The following NOVA1 variants were observed in gnomAD, a reference collection of about 807,000 sequenced individuals.
NOVA1 encodes RNA-binding protein Nova-1.
NOVA1 carries 7 observed loss-of-function variants against 38.0 expected under a neutral mutation model. The ratio of observed to expected loss-of-function variants is 0.18; its 90% CI spans 0.10 to 0.35. The LOEUF (loss-of-function observed/expected upper bound fraction) is 0.35, where lower values mean the gene tolerates loss of function less well. Ranked by LOEUF, NOVA1 falls within the 10% of genes least tolerant of loss-of-function variation. The pLI, the probability that NOVA1 is intolerant of heterozygous loss-of-function variation, is 1.00. For synonymous variants in NOVA1, 270 were observed against 232.5 expected, an observed-to-expected ratio of 1.16 and a Z score of -1.47; for missense variants, 460 against 616.0, an observed-to-expected ratio of 0.75 and a Z score of 2.68.
intron 4 of NOVA1, among the ~76,000 whole-genome samples, chr14:26,453,444 TC>T: frequency 6.6e-6 from 1 of 151,964 alleles, no homozygotes; most frequent in African/African-American, 2.4e-5. Flanking sequence ...AAGTTATTTA[TC>T]CAAAAAAAGA....
chr14:26,567,844 G>T (rs748883384), intron 2 of NOVA1, among the ~76,000 whole-genome samples: 1 of 152,140 alleles, frequency 6.6e-6, no homozygotes, highest in Non-Finnish European at 1.5e-5. Flanking sequence ...TTAAAAAATA[G>T]TTTTTCCATT....
chr14:26,476,662 A>T (rs1885007814), intron 3 of NOVA1, among the ~76,000 whole-genome samples: 1 of 151,426 alleles, frequency 6.6e-6, no homozygotes, highest in Non-Finnish European at 1.5e-5. Context: ...TTACAAGACT[A>T]TTAACTGTCA....
At chr14:26,564,119 G>A (rs1223484288) in intron 2 of NOVA1, among the ~76,000 whole-genome samples, 1 of 152,042 alleles carries the variant, frequency 6.6e-6, no homozygotes, top group Non-Finnish European at 1.5e-5. Context: ...TCTACTATAT[G>A]TATTATAAAC....
intron 2 of NOVA1, among the ~76,000 whole-genome samples, chr14:26,530,082 G>C (rs956015937): frequency 8.5e-5 from 13 of 152,098 alleles, no homozygotes; most frequent in Non-Finnish European, 1.6e-4. Context: ...ACCACGCCTG[G>C]CTAATTTTTT....
intron 2 of NOVA1, among the ~76,000 whole-genome samples, chr14:26,492,453 T>C (rs1367218699): frequency 6.6e-6 from 1 of 152,196 alleles, no homozygotes; most frequent in East Asian, 1.9e-4. Flanking sequence ...GGGAAAAGCT[T>C]TCAGTCTTCA....
chr14:26,446,493 T>G lies in NOVA1; in HGVS notation c.*1466A>C, dbSNP rs1882082764. Reference sequence around the variant, plus strand: ...GGGTTGAAGTTGAGATGGAAGTAATTCTCTTTTGTAATTCAGTTGCTCAGC... The same window carrying G: ...GGGTTGAAGTTGAGATGGAAGTAATGCTCTTTTGTAATTCAGTTGCTCAGC... On this transcript the variant is annotated 3_prime_UTR_variant, in exon 5 of 5. Transcript: ENST00000539517. 6.6e-6 allele frequency: 1 copy of G among 152,658 alleles called. No individual in the cohort carries two copies. Among genetic ancestry groups the G allele is most frequent in the Non-Finnish European group, 1.5e-5 (1 of 68,082 alleles). 9.5% of individuals were successfully genotyped at this position (152,658 alleles called of 1,614,324 possible). A position where few individuals can be genotyped will look rare whatever the true frequency, so the allele number is the denominator to read the frequency against.
At chr14:26,509,445 G>GCCC (rs1594431258) in intron 2 of NOVA1, among the ~76,000 whole-genome samples, 2 of 152,130 alleles carry the variant, frequency 1.3e-5, no homozygotes, top group East Asian at 3.9e-4. Flanking sequence ...AATTAAGTAT[G>GCCC]AGAAGCAATG....
intron 3 of NOVA1, chr14:26,478,889 A>G (rs993956703): frequency 2.0e-5 from 3 of 152,044 alleles, no homozygotes; most frequent in African/African-American, 4.8e-5. Context: ...TTAGTATAAA[A>G]TTAGACATTA....
At chr14:26,494,935 T>TA (rs748329836) in intron 2 of NOVA1, among the ~76,000 whole-genome samples, 19 of 152,324 alleles carry the variant, frequency 1.2e-4, no homozygotes, top group Non-Finnish European at 1.6e-4. Context: ...CATCTCATAT[T>TA]AAGAGTTAAG....
intron 2 of NOVA1, among the ~76,000 whole-genome samples, chr14:26,549,939 G>A (rs1427037618): frequency 6.6e-6 from 1 of 152,068 alleles, no homozygotes; most frequent in East Asian, 1.9e-4. Context: ...TGAAAACTTT[G>A]CCACAGCAAA....
At chr14:26,476,420 CA>C (rs566601620) in intron 3 of NOVA1, among the ~76,000 whole-genome samples, 59 of 152,192 alleles carry the variant, frequency 3.9e-4, no homozygotes, top group African/African-American at 1.3e-3. Context: ...ATTAGACATC[CA>C]AGGTTTTTCA....
chr14:26,556,422 A>G (rs1331240793), intron 2 of NOVA1, among the ~76,000 whole-genome samples: 1 of 152,184 alleles, frequency 6.6e-6, no homozygotes, highest in Non-Finnish European at 1.5e-5. Context: ...TTCAGCAAAT[A>G]GTGTTGGAAC....
rs538707630 is a variant in NOVA1 at position 26,448,181 on chromosome 14, A to G, written c.1302T>C (p.Gly434=). The change falls in exon 5 of 5, where the codon GGT becomes GGC. Residue 434 remains glycine (G), a synonymous_variant. Coordinates refer to ENST00000539517, the MANE Select transcript of NOVA1 (RefSeq NM_002515.3). The surrounding 1 kb of genome is among the most constrained non-coding windows in gnomAD (Gnocchi z 5.3). ...TTTTCCCTCCTTTGCCAAGTATTGC[A>G]CCAACTAAGTTTTCTGGCACTGCTA... The part of the protein sequence containing the change: ...VEIAVPENLV[G]AILGKGGKTL... 2.5e-6 allele frequency: 4 copies of G among 1,614,174 alleles called. No homozygotes were observed. Among genetic ancestry groups the G allele is most frequent in the Non-Finnish European group, 3.4e-6 (4 of 1,180,032 alleles).
At chr14:26,567,290 ATT>A (rs372263187) in intron 2 of NOVA1, among the ~76,000 whole-genome samples, 114 of 93,712 alleles carry the variant, frequency 1.2e-3, no homozygotes, top group African/African-American at 4.4e-3. Context: ...GTCTTGTTTA[ATT>A]TTTTTTTTTT....
At chr14:26,551,415 T>C (rs1476475592) in intron 2 of NOVA1, among the ~76,000 whole-genome samples, 2 of 152,104 alleles carry the variant, frequency 1.3e-5, no homozygotes, top group African/African-American at 4.8e-5. Flanking sequence ...TCCACCTTTG[T>C]TTACTGCTAC....
At chr14:26,513,382 T>C (rs147008629) in intron 2 of NOVA1, among the ~76,000 whole-genome samples, 2 of 151,984 alleles carry the variant, frequency 1.3e-5, no homozygotes, top group African/African-American at 4.8e-5. Context: ...CAACTGGCAT[T>C]ACATGCAATG....
chr14:26,562,985 G>C lies in NOVA1; in HGVS notation c.280+32425C>G, dbSNP rs377364451. On this transcript the variant is annotated intron_variant, in intron 2 of 4. Coordinates refer to ENST00000539517, the MANE Select transcript of NOVA1 (RefSeq NM_002515.3). ...AAAGAATATCTGAAAATCCAGTAGT[G>C]AAAGTTTAAGAACTCAGATAACAGA... Among the ~76,000 whole-genome samples, 6 of 152,062 alleles carry C rather than the reference G, an allele frequency of 3.9e-5. No homozygotes were observed. The South Asian group carries it at 1.0e-3, about 26-fold the overall frequency.
intron 2 of NOVA1, among the ~76,000 whole-genome samples, chr14:26,510,564 C>T (rs1395670946): frequency 6.6e-6 from 1 of 152,030 alleles, no homozygotes; most frequent in Non-Finnish European, 1.5e-5. Flanking sequence ...ATGAGAAGTA[C>T]TGAGGGTTGG....
At chr14:26,534,325 G>T (rs1214792753) in intron 2 of NOVA1, among the ~76,000 whole-genome samples, 1 of 152,090 alleles carries the variant, frequency 6.6e-6, no homozygotes, top group African/African-American at 2.4e-5. Context: ...AAACATGTTT[G>T]TCCAAGATGA....
Sources: allele counts gnomAD v4.1 joint callset (sites outside exome capture counted in the v4.1 genomes callset), GRCh38; gene constraint gnomAD v4.1.1; non-coding constraint Gnocchi (gnomAD v3.1); transcripts MANE v1.5; gene names NCBI Gene and HGNC (gene_info 2026-07-23, HGNC 2026-07-21).